GAS6: variants seen among roughly 807,000 people sequenced by gnomAD.
The protein encoded by GAS6 is growth arrest-specific protein 6.
Under a neutral mutation model 75.8 loss-of-function variants are expected in GAS6, and 41 were observed. The ratio of observed to expected loss-of-function variants is 0.54; its 90% CI spans 0.42 to 0.70. GAS6 has a LOEUF of 0.70. Ranked by LOEUF, GAS6 falls within the 30% of genes least tolerant of loss-of-function variation. GAS6 has a pLI of 0.00. For synonymous variants in GAS6, 432 were observed against 412.6 expected, an observed-to-expected ratio of 1.05 and a Z score of -0.57; for missense variants, 854 against 940.2, an observed-to-expected ratio of 0.91 and a Z score of 1.20.
At chr13:113,833,080 C>T (rs1386818886) in intron 8 of GAS6, 8 of 1,229,176 alleles carry the variant, frequency 6.5e-6, no homozygotes, top group South Asian at 1.6e-5. Flanking sequence ...AAAAAGTATA[C>T]ACTATTATGA....
rs939478887 is a variant in GAS6, at chr13:113,827,721, G to A, written c.1309-557C>T. ...GCCGACACTCAGCACCCAAAGACGCGAAGACATGCGTGCCTTTCTCCTGCC... is the reference window on the plus strand; with the variant it reads ...GCCGACACTCAGCACCCAAAGACGCAAAGACATGCGTGCCTTTCTCCTGCC... On this transcript the variant is annotated intron_variant, in intron 11 of 14. Transcript: ENST00000327773. Among the ~76,000 whole-genome samples, 4 of 152,182 alleles carry A rather than the reference G, an allele frequency of 2.6e-5. No individual in the cohort carries two copies. In the South Asian group the frequency reaches 6.2e-4, roughly 24 times the overall value.
intron 8 of GAS6, among the ~76,000 whole-genome samples, chr13:113,834,020 C>T (rs1279214490): frequency 7.0e-6 from 1 of 143,636 alleles, no homozygotes; most frequent in Non-Finnish European, 1.5e-5. Flanking sequence ...GTGACAGGCC[C>T]CGGTGTGACA....
intron 2 of GAS6, among the ~76,000 whole-genome samples, chr13:113,859,277 T>G (rs2051948782): frequency 6.6e-6 from 1 of 151,972 alleles, no homozygotes; most frequent in Non-Finnish European, 1.5e-5. Flanking sequence ...TGTAGGTACA[T>G]CTATGTGAAT....
At chr13:113,839,666 C>A (rs1001613415) in intron 5 of GAS6, 62 bp downstream of exon 5, 10 of 1,586,866 alleles carry the variant, frequency 6.3e-6, no homozygotes. Context: ...GAGTGAGGAG[C>A]GGGGATCAGG....
chr13:113,821,414 C>A (rs75954557), intron 14 of GAS6: 2 of 240,892 alleles, frequency 8.3e-6, no homozygotes, highest in Non-Finnish European at 1.6e-5. Context: ...TGCCGTTTGC[C>A]GCAAGTGAAA....
rs548626507 is a variant in GAS6 at position 113,834,469 on chromosome 13, G to A, written c.834+82C>T. 5.2e-4 allele frequency: 705 copies of A among 1,354,208 alleles called. 2 individuals are homozygous for A. Among genetic ancestry groups the A allele is most frequent in the Non-Finnish European group, 6.4e-4 (663 of 1,037,014 alleles). The allele number at this position is 1,354,208 out of a possible 1,614,324, so 83.9% of individuals were successfully genotyped here. On this transcript the variant is annotated intron_variant, in intron 8 of 14. Coordinates refer to ENST00000327773, the MANE Select transcript of GAS6 (RefSeq NM_000820.4). ...ACCTTAGCAAAGGCCAGGTCTTCAC[G>A]GAAGTGTTTCTCCCGAAAGCCCCCA...
At chr13:113,822,867 A>G (rs2051479222) in intron 13 of GAS6, 1 of 153,892 alleles carries the variant, frequency 6.5e-6, no homozygotes, top group African/African-American at 2.4e-5. Context: ...AAACAGCATG[A>G]GTCCCCCAGC....
In GAS6 at chr13:113,864,047, G is replaced by GGCGGCT. The variant is rs1281433936; in HGVS notation, c.-133_-128dup. 6 of 941,394 alleles carry GGCGGCT rather than the reference G, an allele frequency of 6.4e-6. No homozygotes were observed. Among genetic ancestry groups the GGCGGCT allele is most frequent in the Admixed American group, 6.0e-5 (1 of 16,756 alleles). The allele number at this position is 941,394 out of a possible 1,614,324, so 58.3% of individuals were successfully genotyped here. On this transcript the variant is annotated 5_prime_UTR_variant, in exon 1 of 15. Coordinates refer to ENST00000327773, the MANE Select transcript of GAS6 (RefSeq NM_000820.4). ...GTCACATCGCGGCGGCGGCGGCGGC[G>GGCGGCT]GCGGCTGCGGCACCTCAAGCGCTCG...
intron 2 of GAS6, among the ~76,000 whole-genome samples, chr13:113,849,189 C>T (rs7492052): frequency 0.081 from 12,290 of 152,226 alleles, 630 homozygotes; most frequent in East Asian, 0.17. Flanking sequence ...CTCTTAAACT[C>T]TTACTCCCTT....
At chr13:113,858,828 T>A (rs1347438996) in intron 2 of GAS6, among the ~76,000 whole-genome samples, 1 of 149,398 alleles carries the variant, frequency 6.7e-6, no homozygotes, top group East Asian at 1.9e-4. Context: ...TGTGCATGTA[T>A]GTGTACATGT....
intron 2 of GAS6, among the ~76,000 whole-genome samples, chr13:113,858,504 TGAC>T (rs2051933367): frequency 2.2e-5 from 3 of 133,370 alleles, no homozygotes; most frequent in African/African-American, 9.3e-5. Flanking sequence ...TGTCTGTGTG[TGAC>T]TATGTACATC....
intron 14 of GAS6, 35 bp downstream of exon 14, chr13:113,821,923 C>T: frequency 6.8e-7 from 1 of 1,479,358 alleles, no homozygotes. Context: ...CCCTGGAGCT[C>T]TTCACCCGGG....
In GAS6 at chr13:113,858,699, CTG is replaced by C. The variant is rs1387247193; in HGVS notation, c.255+4874_255+4875del. On this transcript the variant is annotated intron_variant, in intron 2 of 14. Transcript: ENST00000327773. The stretch of plus-strand genomic sequence containing the variant: ...TATGTATGCATGTCTGTGTGTGTGA[CTG>C]TGTATGTACATCTATGTGAATGTGT... 1.7e-3 allele frequency among the ~76,000 whole-genome samples: 250 copies of C among 143,044 alleles called. 1 individual carries two copies. The highest frequency in any genetic ancestry group is 4.9e-3 in the African/African-American group (182 of 36,876). 93.8% of individuals were successfully genotyped at this position (143,044 alleles called of 152,430 possible). A position where few individuals can be genotyped will look rare whatever the true frequency, so the allele number is the denominator to read the frequency against.
intron 8 of GAS6, among the ~76,000 whole-genome samples, chr13:113,834,272 C>T (rs543622256): frequency 2.6e-5 from 4 of 152,180 alleles, no homozygotes; most frequent in South Asian, 4.1e-4. Flanking sequence ...CTCCCTGGCA[C>T]GCGGCAGAGT....
At chr13:113,836,112 G>C (rs985846708) in intron 6 of GAS6, 6 of 963,262 alleles carry the variant, frequency 6.2e-6, no homozygotes, top group South Asian at 4.9e-5. Context: ...TGCTGTTTAC[G>C]GCCAAGCACC....
At position 113,848,102 on chromosome 13, in the gene GAS6, T is replaced by G. The variant is rs781529219; in HGVS notation, c.256-52A>C. On this transcript the variant is annotated intron_variant, in intron 2 of 14. Coordinates refer to ENST00000327773, the MANE Select transcript of GAS6 (RefSeq NM_000820.4). The surrounding 1 kb of genome is among the most constrained non-coding windows in gnomAD (Gnocchi z 4.8). ...AGCATTGACCGGCACACTACGAGGG[T>G]CTCTGAACAACATAAGCATCAGCTG... is the stretch of plus-strand genomic sequence containing the variant. 30 of 1,588,098 alleles carry G rather than the reference T, an allele frequency of 1.9e-5. No homozygotes were observed. Among genetic ancestry groups the G allele is most frequent in the Non-Finnish European group, 2.4e-5 (28 of 1,163,254 alleles).
chr13:113,823,280 C>A, intron 13 of GAS6, 95 bp downstream of exon 13: 1 of 1,346,588 alleles, frequency 7.4e-7, no homozygotes, highest in Non-Finnish European at 1.0e-6. Flanking sequence ...CCCTGGGGAT[C>A]CCACCGCGGG....
intron 5 of GAS6, 136 bp downstream of exon 5, chr13:113,839,592 T>G (rs2051753957): frequency 1.7e-6 from 2 of 1,152,150 alleles, no homozygotes; most frequent in Admixed American, 2.5e-5. Flanking sequence ...CCAGGATACC[T>G]CAGGGCTGCA....
chr13:113,827,483 C>T (rs2051565288), intron 11 of GAS6, among the ~76,000 whole-genome samples: 1 of 152,232 alleles, frequency 6.6e-6, no homozygotes, highest in Admixed American at 6.5e-5. Flanking sequence ...GTGAATTATT[C>T]AATATTCAAT....
Sources: gnomAD v4.1 joint callset for allele counts (sites outside exome capture counted in the v4.1 genomes callset) on GRCh38, gnomAD v4.1.1 for gene constraint, Gnocchi (gnomAD v3.1) non-coding constraint, MANE v1.5 for transcripts, NCBI Gene and HGNC (gene_info 2026-07-23, HGNC 2026-07-21) for gene names.